DNAH10: variants seen among roughly 807,000 people sequenced by gnomAD.
DNAH10 encodes axonemal beta dynein heavy chain 10.
Under a neutral mutation model 506.6 loss-of-function variants are expected in DNAH10, and 348 were observed. The ratio of observed to expected loss-of-function variants is 0.69; its 90% CI spans 0.63 to 0.75. The LOEUF (loss-of-function observed/expected upper bound fraction) is 0.75, where lower values mean the gene tolerates loss of function less well. DNAH10 is among the 30% of genes least tolerant of loss of function. The pLI is 0.00. For missense variants in DNAH10, 5,179 were observed against 5,787.1 expected (o/e 0.89, Z 3.41); for synonymous variants, 2,059 against 2,198.6 (o/e 0.94, Z 1.78).
chr12:123,916,825 C>A lies in DNAH10; in HGVS notation c.11002+89C>A. On this transcript the variant is annotated intron_variant, in intron 63 of 78. Coordinates refer to ENST00000673944, the MANE Select transcript of DNAH10 (RefSeq NM_001372106.1). The surrounding 1 kb of genome is among the most constrained non-coding windows in gnomAD (Gnocchi z 4.6). ...TCAAGGCATTCATGGGACATCATTT[C>A]ACTCAGTGACCCCAGATCATTCTCT... 6.9e-7 allele frequency: 1 copy of A among 1,444,882 alleles called. No homozygotes were observed. The highest frequency in any genetic ancestry group is 2.3e-5 in the East Asian group (1 of 43,378). 89.5% of individuals were successfully genotyped at this position (1,444,882 alleles called of 1,614,324 possible).
intron 62 of DNAH10, among the ~76,000 whole-genome samples, chr12:123,915,711 C>A (rs922201322): frequency 6.6e-6 from 1 of 152,190 alleles, no homozygotes; most frequent in African/African-American, 2.4e-5. Context: ...GTCATTCCTT[C>A]CTTGGGCTGA....
chr12:123,810,144 A>G (rs888599504), intron 19 of DNAH10, among the ~76,000 whole-genome samples: 1 of 152,182 alleles, frequency 6.6e-6, no homozygotes, highest in Non-Finnish European at 1.5e-5. Flanking sequence ...CATCTGGCAC[A>G]TAGTTGGTTC....
At chr12:123,789,567 A>G (rs929465229) in intron 10 of DNAH10, among the ~76,000 whole-genome samples, 1 of 152,154 alleles carries the variant, frequency 6.6e-6, no homozygotes, top group Non-Finnish European at 1.5e-5. Flanking sequence ...TATTTTTAGC[A>G]GAGACAGGGT....
At chr12:123,812,058 A>G (rs976306868) in intron 19 of DNAH10, among the ~76,000 whole-genome samples, 3 of 152,226 alleles carry the variant, frequency 2.0e-5, no homozygotes, top group Non-Finnish European at 4.4e-5. Flanking sequence ...GCACCAACCT[A>G]TAGTAGTTGT....
Position 123,926,866 on chromosome 12 carries a change from C to G in DNAH10, c.12105+46C>G, listed in dbSNP as rs1271897420. 1.3e-6 allele frequency: 2 copies of G among 1,598,880 alleles called. No individual in the cohort carries two copies. Among genetic ancestry groups the G allele is most frequent in the Admixed American group, 3.5e-5 (2 of 57,106 alleles). ...ACAAGCTCTACGTTTAGGGGAGGTC[C>G]CTGGTGTCTGCTAAGAAGGAGCTAA... On this transcript the variant is annotated intron_variant, in intron 69 of 78. Coordinates refer to ENST00000673944, the MANE Select transcript of DNAH10 (RefSeq NM_001372106.1). This position sits in a 1 kb window ranked among gnomAD's most constrained non-coding sequence, Gnocchi z 4.1.
intron 37 of DNAH10, 25 bp from the exon 38 acceptor site, chr12:123,859,125 C>T (rs1228030907): frequency 1.3e-6 from 2 of 1,585,240 alleles, no homozygotes; most frequent in Non-Finnish European, 1.7e-6. Context: ...ATGTTTTAGC[C>T]CAGCTGCCAT....
At chr12:123,921,889 A>G (rs535994883) in intron 65 of DNAH10, among the ~76,000 whole-genome samples, 1 of 151,176 alleles carries the variant, frequency 6.6e-6, no homozygotes, top group East Asian at 2.0e-4. Flanking sequence ...AATTTTTAGT[A>G]TTTTTAGTAG....
intron 17 of DNAH10, 91 bp from the exon 18 acceptor site, chr12:123,804,742 T>C (rs1594068413): frequency 7.2e-7 from 1 of 1,379,898 alleles, no homozygotes; most frequent in East Asian, 2.3e-5. Context: ...TTTTGGTTTT[T>C]TTAAGACACA....
chr12:123,856,122 A>G (rs1198469804), intron 36 of DNAH10, among the ~76,000 whole-genome samples: 3 of 147,396 alleles, frequency 2.0e-5, no homozygotes, highest in Admixed American at 6.8e-5. Flanking sequence ...AACATTTTAT[A>G]TACATTTATA....
At position 123,848,076 on chromosome 12, in the gene DNAH10, G is replaced by A; in HGVS notation, c.5930G>A (p.Gly1977Asp). The A allele has an allele frequency of 1.9e-6, 3 of 1,613,742 alleles. No individual in the cohort carries two copies. Among genetic ancestry groups the A allele is most frequent in the Non-Finnish European group, 2.5e-6 (3 of 1,179,712 alleles). ...TTGCTCTGTGTTGTCACCAACTGTG[G>A]CGAAGGCATGGATTACAGGGTAAGG... ...LGLLCVVTNC[G>D]EGMDYRAVGK... Residue 1977 changes from glycine to aspartate, a missense_variant, in exon 33 of 79, where the codon GGC becomes GAC. By Grantham distance (94) the Gly-to-Asp change is moderately conservative (BLOSUM62 -1). Around this residue, in one of 3 missense-constraint regions of DNAH10, gnomAD observed 4,844 missense variants for 5,430.5 expected, o/e 0.89. Coordinates refer to ENST00000673944, the MANE Select transcript of DNAH10 (RefSeq NM_001372106.1).
chr12:123,865,904 A>T (rs766350837), intron 40 of DNAH10, 47 bp from the exon 41 acceptor site: 5 of 1,527,318 alleles, frequency 3.3e-6, no homozygotes, highest in Non-Finnish European at 4.4e-6. Flanking sequence ...CATCTAGTTT[A>T]TCTTGTGTAT....
rs758166121 is a variant in DNAH10, at chr12:123,772,979, G to T, written c.505+37G>T. On this transcript the variant is annotated intron_variant, in intron 4 of 78. Coordinates refer to ENST00000673944, the MANE Select transcript of DNAH10 (RefSeq NM_001372106.1). ...GCACGTGTGTGTGTATGTGTGTTGA[G>T]GGGGTGTGGTTGTGCATGCACTTGT... The T allele has an allele frequency of 8.2e-6, 12 of 1,461,942 alleles. No individual in the cohort carries two copies. In the Admixed American group the frequency reaches 2.0e-4, roughly 24 times the overall value. 90.6% of individuals were successfully genotyped at this position (1,461,942 alleles called of 1,614,324 possible). A position where few individuals can be genotyped will look rare whatever the true frequency, so the allele number is the denominator to read the frequency against.
At position 123,916,550 on chromosome 12, in the gene DNAH10, A is replaced by C; in HGVS notation, c.10816A>C (p.Ile3606Leu). The change falls in exon 63 of 79, where the codon ATC becomes CTC. Residue 3606 changes from isoleucine to leucine, a missense_variant. Physicochemically the swap from Ile to Leu is conservative, Grantham distance 5. This residue lies in a region of DNAH10 where 4,844 missense variants were observed against 5,430.5 expected (regional missense o/e 0.89). Coordinates refer to ENST00000673944, the MANE Select transcript of DNAH10 (RefSeq NM_001372106.1). The surrounding 1 kb of genome is among the most constrained non-coding windows in gnomAD (Gnocchi z 4.6). ...PFLFRDVDEY[I>L]DPVIDNVLEK... ...CCTGTTCCGCGATGTTGATGAATAC[A>C]TCGATCCTGTGATTGACAACGTCTT... 1.9e-6 allele frequency: 3 copies of C among 1,613,918 alleles called. No individual in the cohort carries two copies. The highest frequency in any genetic ancestry group is 2.5e-6 in the Non-Finnish European group (3 of 1,179,884).
chr12:123,843,570 C>CTTAT (rs60298628), intron 30 of DNAH10, among the ~76,000 whole-genome samples: 8,303 of 151,766 alleles, frequency 0.055, 683 homozygotes, highest in African/African-American at 0.18. Flanking sequence ...GCTTTTCCTA[C>CTTAT]TTATTTATTT....
chr12:123,888,503 AC>A (rs1279189417), intron 52 of DNAH10, among the ~76,000 whole-genome samples: 1 of 152,226 alleles, frequency 6.6e-6, no homozygotes, highest in African/African-American at 2.4e-5. Context: ...GATTTGAGAC[AC>A]AGAGAATAAG....
At chr12:123,776,592 T>C (rs1256337598) in intron 5 of DNAH10, among the ~76,000 whole-genome samples, 2 of 150,028 alleles carry the variant, frequency 1.3e-5, no homozygotes, top group African/African-American at 4.9e-5. Context: ...ATGGTGGTCA[T>C]GCCACTGCAC....
At chr12:123,875,928 A>G (rs1462946811) in intron 47 of DNAH10, among the ~76,000 whole-genome samples, 1 of 152,166 alleles carries the variant, frequency 6.6e-6, no homozygotes, top group Non-Finnish European at 1.5e-5. Context: ...GGGTTTTGGG[A>G]GGATGAAAGG....
chr12:123,819,852 A>G (rs1959222950), intron 23 of DNAH10, among the ~76,000 whole-genome samples: 1 of 151,852 alleles, frequency 6.6e-6, no homozygotes, highest in Non-Finnish European at 1.5e-5. Flanking sequence ...CTACAGGCAC[A>G]TGCCACCATG....
intron 52 of DNAH10, among the ~76,000 whole-genome samples, chr12:123,888,313 G>C (rs1952829917): frequency 1.3e-5 from 2 of 152,244 alleles, no homozygotes; most frequent in Admixed American, 6.5e-5. Context: ...CCCCTGTAGA[G>C]GGCTGAATGG....
Sources: allele counts gnomAD v4.1 joint callset (sites outside exome capture counted in the v4.1 genomes callset), GRCh38; gene constraint gnomAD v4.1.1; regional missense constraint gnomAD v4.1.1; non-coding constraint Gnocchi (gnomAD v3.1); transcripts MANE v1.5; gene names NCBI Gene and HGNC (gene_info 2026-07-23, HGNC 2026-07-21).